CTNNA2: variants seen among roughly 807,000 people sequenced by gnomAD.
CTNNA2 encodes the protein catenin alpha-2.
A neutral mutation model predicts 101.0 loss-of-function variants in CTNNA2; 42 were observed. That is an observed-to-expected ratio of 0.42 (90% CI 0.32 to 0.54). The LOEUF is 0.54. CTNNA2 is among the 20% of genes least tolerant of loss of function. The pLI, the probability that CTNNA2 is intolerant of heterozygous loss-of-function variation, is 0.14. For missense variants in CTNNA2, 871 were observed against 1,223.1 expected (o/e 0.71, Z 4.29); for synonymous variants, 450 against 456.4 (o/e 0.99, Z 0.18).
chr2:79,364,973 G>A (rs1263587628), intron 3 of CTNNA2, among the ~76,000 whole-genome samples: 2 of 152,040 alleles, frequency 1.3e-5, no homozygotes, highest in Non-Finnish European at 2.9e-5. Context: ...GCATTCCTTG[G>A]TATGTGTAAA....
intron 17 of CTNNA2, among the ~76,000 whole-genome samples, chr2:80,610,585 A>G (rs1698381097): frequency 6.6e-6 from 1 of 151,698 alleles, no homozygotes; most frequent in African/African-American, 2.4e-5. Flanking sequence ...GCCCCCAGGA[A>G]AGTTACATTT....
chr2:80,611,677 T>C (rs1239930457), intron 17 of CTNNA2, among the ~76,000 whole-genome samples: 2 of 151,706 alleles, frequency 1.3e-5, no homozygotes, highest in African/African-American at 4.8e-5. Context: ...TAATATTTTT[T>C]AGCTACCCAA....
intron 9 of CTNNA2, among the ~76,000 whole-genome samples, chr2:80,451,676 A>G (rs1399637127): frequency 6.6e-6 from 1 of 152,208 alleles, no homozygotes; most frequent in Non-Finnish European, 1.5e-5. Context: ...TTGTTCTCTT[A>G]GATCAGGCAA....
chr2:80,498,356 T>G (rs80053618), intron 9 of CTNNA2, among the ~76,000 whole-genome samples: 1 of 152,244 alleles, frequency 6.6e-6, no homozygotes. Context: ...TGTGACTGAC[T>G]GAAAGCCTAT....
intron 2 of CTNNA2, among the ~76,000 whole-genome samples, chr2:79,224,042 G>A (rs1478357821): frequency 6.6e-6 from 1 of 152,168 alleles, no homozygotes; most frequent in Non-Finnish European, 1.5e-5. Context: ...TTCTTCCGTT[G>A]TACATTTCTG....
At chr2:79,758,987 A>G (rs533866321) in intron 3 of CTNNA2, among the ~76,000 whole-genome samples, 1 of 152,302 alleles carries the variant, frequency 6.6e-6, no homozygotes, top group African/African-American at 2.4e-5. Context: ...TATATAGGCA[A>G]TCTGGAAAAA....
intron 9 of CTNNA2, among the ~76,000 whole-genome samples, chr2:80,454,663 C>G (rs1683807748): frequency 6.6e-6 from 1 of 152,144 alleles, no homozygotes; most frequent in Admixed American, 6.5e-5. Context: ...GGGCAAGTAC[C>G]CTGGGCACTG....
Position 80,647,758 on chromosome 2 carries a change from T to G in CTNNA2, c.2748T>G (p.Leu916=). The G allele has an allele frequency of 6.2e-7, 1 of 1,613,568 alleles. No individual in the cohort carries two copies. The highest frequency in any genetic ancestry group is 8.5e-7 in the Non-Finnish European group (1 of 1,179,604). ...WKMKAPEKKP[L]VKREKPEEFQ... is the part of the protein sequence containing the mutation. ...TGAAGGCTCCAGAGAAGAAGCCCCT[T>G]GTGAAGAGAGAAAAGCCTGAAGAAT... The change falls in exon 19 of 19, where the codon CTT becomes CTG. Residue 916 remains leucine (L), a synonymous_variant. Coordinates refer to ENST00000402739, the MANE Select transcript of CTNNA2 (RefSeq NM_001282597.3).
chr2:79,211,764 T>C (rs1038031650), intron 2 of CTNNA2, among the ~76,000 whole-genome samples: 1 of 152,208 alleles, frequency 6.6e-6, no homozygotes, highest in African/African-American at 2.4e-5. Context: ...GACATTCCTG[T>C]CTTCTTATAT....
At chr2:80,070,544 A>T (rs1293110402) in intron 7 of CTNNA2, among the ~76,000 whole-genome samples, 1 of 151,942 alleles carries the variant, frequency 6.6e-6, no homozygotes, top group Non-Finnish European at 1.5e-5. Context: ...TTGTCTCTAC[A>T]AAAAAATAAA....
chr2:79,312,484 T>C (rs1676398438), intron 2 of CTNNA2, among the ~76,000 whole-genome samples: 1 of 152,228 alleles, frequency 6.6e-6, no homozygotes, highest in Non-Finnish European at 1.5e-5. Context: ...GAGTACTTTG[T>C]GTGTCAGAAA....
intron 4 of CTNNA2, among the ~76,000 whole-genome samples, chr2:79,440,176 C>G (rs1026055198): frequency 6.6e-6 from 1 of 152,070 alleles, no homozygotes; most frequent in African/African-American, 2.4e-5. Context: ...AGAAAACACA[C>G]AAATGATCTC....
intron 3 of CTNNA2, among the ~76,000 whole-genome samples, chr2:79,840,487 A>G (rs1213497763): frequency 1.3e-5 from 2 of 152,306 alleles, no homozygotes; most frequent in South Asian, 2.1e-4. Context: ...CCTTCCAGGT[A>G]TAAAGATGTT....
intron 3 of CTNNA2, among the ~76,000 whole-genome samples, chr2:79,749,721 A>G (rs1671883581): frequency 6.6e-6 from 1 of 152,234 alleles, no homozygotes; most frequent in Non-Finnish European, 1.5e-5. Context: ...CTGAAAAGCT[A>G]AGTCACTTAA....
intron 6 of CTNNA2, among the ~76,000 whole-genome samples, chr2:79,907,216 A>G (rs561621070): frequency 6.6e-6 from 1 of 152,280 alleles, no homozygotes; most frequent in African/African-American, 2.4e-5. Context: ...TTTTCTATAA[A>G]ATAGGTCTTT....
intron 1 of CTNNA2, chr2:79,548,197 T>A (rs969310188): frequency 6.6e-6 from 1 of 152,222 alleles, no homozygotes; most frequent in Non-Finnish European, 1.5e-5. Context: ...TGTTTTAAAC[T>A]TTTAACATTT....
At chr2:79,496,872 A>G (rs1671261744) in intron 4 of CTNNA2, among the ~76,000 whole-genome samples, 1 of 152,206 alleles carries the variant, frequency 6.6e-6, no homozygotes, top group African/African-American at 2.4e-5. Flanking sequence ...AGAAATAAGT[A>G]AAACTGTAGG....
intron 2 of CTNNA2, among the ~76,000 whole-genome samples, chr2:79,294,293 A>AAG (rs1173483164): frequency 6.6e-6 from 1 of 151,566 alleles, no homozygotes; most frequent in Non-Finnish European, 1.5e-5. Context: ...TTCAAGGAGA[A>AAG]AGAGAGAGAG....
intron 9 of CTNNA2, among the ~76,000 whole-genome samples, chr2:80,473,288 T>C (rs1450732722): frequency 1.3e-5 from 2 of 152,188 alleles, no homozygotes; most frequent in Non-Finnish European, 1.5e-5. Context: ...GGTCAGGCTA[T>C]GGTGCCCTCA....
Sources: allele counts gnomAD v4.1 joint callset (sites outside exome capture counted in the v4.1 genomes callset), GRCh38; gene constraint gnomAD v4.1.1; transcripts MANE v1.5; gene names NCBI Gene and HGNC (gene_info 2026-07-23, HGNC 2026-07-21).